GLP1R: variants seen among roughly 807,000 people sequenced by gnomAD.
The protein encoded by GLP1R is glucagon-like peptide 1 receptor.
Under a neutral mutation model 68.4 loss-of-function variants are expected in GLP1R, and 32 were observed. The observed-to-expected ratio is 0.47, with a 90% CI of 0.35 to 0.63. The LOEUF is 0.63. Among genes scored for constraint, GLP1R ranks in the 20% least tolerant of loss-of-function variants. The probability of loss-of-function intolerance (pLI) is 0.00; values close to 1 mark genes in which losing one functional copy is unlikely to be tolerated. For missense variants in GLP1R, 502 were observed against 594.9 expected, an observed-to-expected ratio of 0.84 and a Z score of 1.62; for synonymous variants, 263 against 244.4, an observed-to-expected ratio of 1.08 and a Z score of -0.71.
At position 39,090,248 on chromosome 6, in the gene GLP1R, C is replaced by T. The variant is rs547211830; in HGVS notation, c.*4175C>T. On this transcript the variant is annotated 3_prime_UTR_variant, in exon 13 of 13. Coordinates refer to ENST00000373256, the MANE Select transcript of GLP1R (RefSeq NM_002062.5). ...TCTGCAGTATCTATAAGTACTTCCG[C>T]TCTGTCAAGGAATACAGACTGGCAG... Among the ~76,000 whole-genome samples, 7 of 152,304 alleles carry T rather than the reference C, an allele frequency of 4.6e-5. No homozygotes were observed. Among genetic ancestry groups the T allele is most frequent in the Non-Finnish European group, 8.8e-5 (6 of 68,028 alleles).
intron 1 of GLP1R, among the ~76,000 whole-genome samples, 194 bp from the exon 2 acceptor site, chr6:39,056,203 A>T (rs1357548989): frequency 1.3e-5 from 2 of 152,180 alleles, no homozygotes; most frequent in Non-Finnish European, 2.9e-5. Flanking sequence ...AGGAATGAAG[A>T]TGTCAAACCA....
intron 7 of GLP1R, 64 bp from the exon 8 acceptor site, chr6:39,078,258 G>T (rs374931329): frequency 2.6e-6 from 3 of 1,173,156 alleles, no homozygotes; most frequent in African/African-American, 1.5e-5. Context: ...GAGAGGCCTC[G>T]GCATGTAGAC....
intron 5 of GLP1R, among the ~76,000 whole-genome samples, chr6:39,072,319 C>T (rs1248866484): frequency 6.6e-6 from 1 of 152,172 alleles, no homozygotes; most frequent in African/African-American, 2.4e-5. Flanking sequence ...GAAATGCTCC[C>T]ACAGTTTCTC....
rs34093988 is a variant in GLP1R, at chr6:39,086,166, G to GACACACACACAC, written c.*121_*132dup. On this transcript the variant is annotated 3_prime_UTR_variant, in exon 13 of 13. Transcript: ENST00000373256. The surrounding 1 kb of genome is among the most constrained non-coding windows in gnomAD (Gnocchi z 4.5). ...ACTCCCAGGGACAAGGGAAGGAAGGGACACACACACACACACACACACACA... is the reference window on the plus strand; with the variant it reads ...ACTCCCAGGGACAAGGGAAGGAAGGGACACACACACACACACACACACACACACACACACACA... 3.9e-3 allele frequency: 2,248 copies of GACACACACACAC among 582,612 alleles called. 49 individuals are homozygous for GACACACACACAC. In the African/African-American group the frequency reaches 0.042, roughly 11 times the overall value. The allele number at this position is 582,612 out of a possible 1,614,324, so 36.1% of individuals were successfully genotyped here. A position where few individuals can be genotyped will look rare whatever the true frequency, so the allele number is the denominator to read the frequency against.
intron 11 of GLP1R, among the ~76,000 whole-genome samples, chr6:39,080,367 C>CCT (rs2150837045): frequency 6.6e-6 from 1 of 152,330 alleles, no homozygotes; most frequent in South Asian, 2.1e-4. Context: ...CTGGATCAGG[C>CCT]CTCCTCAAGG....
intron 1 of GLP1R, among the ~76,000 whole-genome samples, chr6:39,054,506 G>C (rs1353784895): frequency 6.6e-6 from 1 of 152,162 alleles, no homozygotes; most frequent in Non-Finnish European, 1.5e-5. Context: ...CCCGTCCTCA[G>C]GGAGCCCCAG....
At chr6:39,062,561 G>A (rs1024749075) in intron 3 of GLP1R, among the ~76,000 whole-genome samples, 5 of 152,214 alleles carry the variant, frequency 3.3e-5, no homozygotes, top group Admixed American at 3.3e-4. Context: ...AACTGGCTCT[G>A]AACAGAGGGA....
chr6:39,076,408 G>A (rs1175823103), intron 7 of GLP1R, among the ~76,000 whole-genome samples: 3 of 152,142 alleles, frequency 2.0e-5, no homozygotes, highest in East Asian at 3.8e-4. Context: ...TGAGAGGTCC[G>A]ATTTGTGTAG....
chr6:39,073,393 C>T (rs1012682198), intron 6 of GLP1R, among the ~76,000 whole-genome samples: 11 of 152,156 alleles, frequency 7.2e-5, no homozygotes, highest in African/African-American at 2.7e-4. Context: ...TTACTTCTCA[C>T]CTGCAGGGGG....
chr6:39,073,798 C>T (rs1203564264), intron 7 of GLP1R, 29 bp downstream of exon 7: 1 of 1,607,800 alleles, frequency 6.2e-7, no homozygotes, highest in Admixed American at 1.7e-5. Context: ...CACCCTGGAC[C>T]TGTGGCACGG....
chr6:39,054,708 G>C (rs537254585), intron 1 of GLP1R, among the ~76,000 whole-genome samples: 1 of 152,276 alleles, frequency 6.6e-6, no homozygotes, highest in East Asian at 1.9e-4. Context: ...GTGACCTTGT[G>C]TGTGGTCTGC....
intron 5 of GLP1R, among the ~76,000 whole-genome samples, chr6:39,071,100 A>G (rs1768649871): frequency 6.6e-6 from 1 of 152,172 alleles, no homozygotes; most frequent in Non-Finnish European, 1.5e-5. Flanking sequence ...TAATCCCAGC[A>G]CTTTGGGAGG....
At chr6:39,074,622 T>A (rs1006315329) in intron 7 of GLP1R, among the ~76,000 whole-genome samples, 3 of 152,012 alleles carry the variant, frequency 2.0e-5, no homozygotes, top group Non-Finnish European at 4.4e-5. Context: ...TCCTCCTTCC[T>A]TCATGCGCCC....
chr6:39,074,645 TCTGACCACGGCTGCC>T (rs1447843949), intron 7 of GLP1R, among the ~76,000 whole-genome samples: 1 of 152,084 alleles, frequency 6.6e-6, no homozygotes, highest in East Asian at 1.9e-4. Context: ...CTCACGCTGC[TCTGACCACGGCTGCC>T]CCTGCCACGG....
intron 3 of GLP1R, among the ~76,000 whole-genome samples, chr6:39,058,493 A>G (rs1398726945): frequency 6.6e-6 from 1 of 152,090 alleles, no homozygotes; most frequent in Non-Finnish European, 1.5e-5. Context: ...AGGATCCCTG[A>G]CTGGAGGGTT....
In GLP1R at chr6:39,056,464, C is replaced by G. The variant is rs1390194943; in HGVS notation, c.146C>G (p.Ser49Cys). 6.2e-7 allele frequency: 1 copy of G among 1,607,066 alleles called. No homozygotes were observed. The highest frequency in any genetic ancestry group is 1.1e-5 in the South Asian group (1 of 90,926). ...WREYRRQCQR[S>C]LTEDPPPATD... Reference sequence around the variant, plus strand: ...GAATACCGACGCCAGTGCCAGCGCTCCCTGACTGAGGATCCACCTCCTGCC... The same window carrying G: ...GAATACCGACGCCAGTGCCAGCGCTGCCTGACTGAGGATCCACCTCCTGCC... Residue 49 changes from serine to cysteine, a missense_variant, in exon 2 of 13, where the codon TCC (serine) becomes TGC (cysteine). Ser to Cys is a moderately radical substitution (Grantham distance 112). Coordinates refer to ENST00000373256, the MANE Select transcript of GLP1R (RefSeq NM_002062.5).
intron 5 of GLP1R, among the ~76,000 whole-genome samples, chr6:39,071,074 C>T (rs139224081): frequency 0.023 from 3,495 of 152,096 alleles, 121 homozygotes; most frequent in African/African-American, 0.077. Context: ...TGGCTGGGTG[C>T]GGTGGCTCAC....
At chr6:39,071,617 G>C (rs1278154247) in intron 5 of GLP1R, among the ~76,000 whole-genome samples, 3 of 151,962 alleles carry the variant, frequency 2.0e-5, no homozygotes, top group African/African-American at 7.3e-5. Context: ...ATGCAGCAAG[G>C]CTCCACGTAT....
At chr6:39,074,720 C>A (rs1310333190) in intron 7 of GLP1R, among the ~76,000 whole-genome samples, 2 of 152,136 alleles carry the variant, frequency 1.3e-5, no homozygotes, top group African/African-American at 2.4e-5. Context: ...TCTTCCCTGA[C>A]AATGGTCCTG....
Sources: allele counts gnomAD v4.1 joint callset (sites outside exome capture counted in the v4.1 genomes callset), GRCh38; gene constraint gnomAD v4.1.1; non-coding constraint Gnocchi (gnomAD v3.1); transcripts MANE v1.5; gene names NCBI Gene and HGNC (gene_info 2026-07-23, HGNC 2026-07-21).